Variants in ASCC2 observed in about 807,000 individuals in gnomAD.
The protein encoded by ASCC2 is ASC-1 complex subunit P100.
Under a neutral mutation model 93.5 loss-of-function variants are expected in ASCC2, and 42 were observed. That is an observed-to-expected ratio of 0.45 (90% CI 0.35 to 0.58). The LOEUF (loss-of-function observed/expected upper bound fraction) is 0.58. Among genes scored for constraint, ASCC2 ranks in the 20% least tolerant of loss-of-function variants. The pLI is 0.00. For missense variants in ASCC2, 859 were observed against 977.6 expected (o/e 0.88, Z 1.62); for synonymous variants, 364 against 384.2 (o/e 0.95, Z 0.62).
chr22:29,791,643 T>C (rs534819173), intron 18 of ASCC2, among the ~76,000 whole-genome samples: 1 of 152,084 alleles, frequency 6.6e-6, no homozygotes, highest in African/African-American at 2.4e-5. Context: ...ATTGCACCAT[T>C]GCACTCCAGC....
chr22:29,830,604 T>C (rs1379168234), intron 2 of ASCC2, among the ~76,000 whole-genome samples: 2 of 152,102 alleles, frequency 1.3e-5, no homozygotes, highest in African/African-American at 4.8e-5. Flanking sequence ...CACACCCCAC[T>C]GGTCTGGATC....
intron 12 of ASCC2, among the ~76,000 whole-genome samples, chr22:29,805,809 T>G (rs1001316343): frequency 1.3e-5 from 2 of 151,764 alleles, no homozygotes; most frequent in Admixed American, 6.6e-5. Context: ...TGCTTGGACA[T>G]CATTTCCATC....
chr22:29,791,838 C>A (rs1465978219), intron 18 of ASCC2, among the ~76,000 whole-genome samples: 1 of 152,228 alleles, frequency 6.6e-6, no homozygotes, highest in Admixed American at 6.5e-5. Context: ...AGGGCACGTG[C>A]TTCCCACTGC....
At chr22:29,811,582 C>CA (rs2060283185) in intron 8 of ASCC2, among the ~76,000 whole-genome samples, 1 of 152,252 alleles carries the variant, frequency 6.6e-6, no homozygotes, top group Non-Finnish European at 1.5e-5. Flanking sequence ...ATTTGCTCAG[C>CA]AGGGCGTTCC....
intron 1 of ASCC2, chr22:29,836,528 C>T (rs2063810482): frequency 6.6e-6 from 1 of 151,872 alleles, no homozygotes; most frequent in Non-Finnish European, 1.5e-5. Flanking sequence ...CTTTAATAAA[C>T]CACGAGAGAG....
chr22:29,824,018 C>T (rs1411123780), intron 4 of ASCC2, among the ~76,000 whole-genome samples: 2 of 151,880 alleles, frequency 1.3e-5, no homozygotes, highest in Admixed American at 1.3e-4. Context: ...TAGCAAGATG[C>T]CCTCTCTCCA....
At chr22:29,833,564 C>G in intron 1 of ASCC2, 1 of 470,936 alleles carries the variant, frequency 2.1e-6, no homozygotes. Context: ...AGTGGCAGAT[C>G]CAAGGTCTCC....
intron 18 of ASCC2, among the ~76,000 whole-genome samples, chr22:29,791,007 T>C (rs939615558): frequency 1.3e-5 from 2 of 152,098 alleles, no homozygotes; most frequent in African/African-American, 4.8e-5. Context: ...AAGGACAGCC[T>C]TCTCTGCCAA....
At chr22:29,804,948 C>CACT in intron 12 of ASCC2, 118 bp from the exon 13 acceptor site, 16 of 1,113,188 alleles carry the variant, frequency 1.4e-5, no homozygotes, top group Non-Finnish European at 1.8e-5. Context: ...TGGGCTATAT[C>CACT]TAAGTGGTAT....
intron 6 of ASCC2, chr22:29,815,164 G>A: frequency 4.7e-6 from 1 of 210,844 alleles, no homozygotes; most frequent in Non-Finnish European, 9.4e-6. Context: ...GGGCAAGATG[G>A]TGTGTACCTG....
chr22:29,813,354 G>A, intron 8 of ASCC2, 76 bp downstream of exon 8: 1 of 1,090,436 alleles, frequency 9.2e-7, no homozygotes, highest in Non-Finnish European at 1.4e-6. Context: ...GTAAATATTT[G>A]TTAAATGAGT....
chr22:29,815,952 A>G (rs2060802296), intron 6 of ASCC2, 54 bp downstream of exon 6: 1 of 1,424,966 alleles, frequency 7.0e-7, no homozygotes, highest in Admixed American at 2.0e-5. Context: ...TGAGTTGGGG[A>G]GGTGGCCTAT....
chr22:29,821,311 T>C (rs1031316645), intron 5 of ASCC2, among the ~76,000 whole-genome samples: 33 of 152,242 alleles, frequency 2.2e-4, no homozygotes, highest in Admixed American at 2.2e-3. Flanking sequence ...ACTCTGTCCC[T>C]ACCTGCTCTC....
intron 15 of ASCC2, among the ~76,000 whole-genome samples, chr22:29,800,593 T>G (rs1459330538): frequency 1.3e-5 from 2 of 152,232 alleles, no homozygotes; most frequent in Non-Finnish European, 2.9e-5. Flanking sequence ...ATGTTCACCT[T>G]CTGAAAAGCT....
intron 5 of ASCC2, among the ~76,000 whole-genome samples, chr22:29,820,814 GA>G (rs1416780779): frequency 6.6e-6 from 1 of 150,688 alleles, no homozygotes; most frequent in Non-Finnish European, 1.5e-5. Flanking sequence ...GCTGAAGCAG[GA>G]GAATCACTTG....
Position 29,825,336 on chromosome 22 carries a change from A to G in ASCC2, c.241-79T>C. On this transcript the variant is annotated intron_variant, in intron 3 of 19. Coordinates refer to ENST00000307790, the MANE Select transcript of ASCC2 (RefSeq NM_032204.5). The surrounding 1 kb of genome is among the most constrained non-coding windows in gnomAD (Gnocchi z 4.9). ...TGTGGGTGGACTGTGCAGGGACTCA[A>G]TGCCCATCAGCCCTGCCCTATTCCA... 1 of 1,457,764 alleles carries G rather than the reference A, an allele frequency of 6.9e-7. No individual in the cohort carries two copies. Among genetic ancestry groups the G allele is most frequent in the East Asian group, 2.3e-5 (1 of 43,620 alleles). The allele number at this position is 1,457,764 out of a possible 1,614,324, so 90.3% of individuals were successfully genotyped here.
At chr22:29,799,962 A>AT (rs1393898774) in intron 15 of ASCC2, among the ~76,000 whole-genome samples, 4 of 151,882 alleles carry the variant, frequency 2.6e-5, no homozygotes. Context: ...TAATTTTTGT[A>AT]TTTTTTGTAT....
chr22:29,827,819 AC>A (rs1186029265), intron 2 of ASCC2, among the ~76,000 whole-genome samples: 29 of 134,214 alleles, frequency 2.2e-4, no homozygotes, highest in East Asian at 4.7e-4. Context: ...TGACACACAC[AC>A]ACACACACAC....
intron 5 of ASCC2, among the ~76,000 whole-genome samples, chr22:29,820,159 TTTC>T (rs1225853159): frequency 3.3e-5 from 5 of 151,062 alleles, no homozygotes; most frequent in Non-Finnish European, 7.4e-5. Flanking sequence ...GGATGCAAAA[TTTC>T]TTTTTTTCTT....
Sources: allele counts gnomAD v4.1 joint callset (sites outside exome capture counted in the v4.1 genomes callset), GRCh38; gene constraint gnomAD v4.1.1; non-coding constraint Gnocchi (gnomAD v3.1); transcripts MANE v1.5; gene names NCBI Gene and HGNC (gene_info 2026-07-23, HGNC 2026-07-21).